SOX5: variants seen among roughly 807,000 people sequenced by gnomAD.
The protein encoded by SOX5 is SRY-box transcription factor 5.
Under a neutral mutation model 92.0 loss-of-function variants are expected in SOX5, and 9 were observed. The ratio of observed to expected loss-of-function variants is 0.10; its 90% CI spans 0.06 to 0.17. The LOEUF (loss-of-function observed/expected upper bound fraction) is 0.17, where lower values mean the gene tolerates loss of function less well. Among genes scored for constraint, SOX5 ranks in the 10% least tolerant of loss-of-function variants. SOX5 has a pLI of 1.00. For missense variants in SOX5, 642 were observed against 944.5 expected (o/e 0.68, Z 4.20); for synonymous variants, 344 against 336.3 (o/e 1.02, Z -0.25).
chr12:24,495,572 A>G (rs1380528614), intron 1 of SOX5, among the ~76,000 whole-genome samples: 1 of 152,210 alleles, frequency 6.6e-6, no homozygotes, highest in African/African-American at 2.4e-5. Flanking sequence ...TTGAGTGAAC[A>G]CTTGAGAACA....
intron 3 of SOX5, among the ~76,000 whole-genome samples, chr12:23,836,640 G>A (rs1467450067): frequency 6.6e-6 from 1 of 151,852 alleles, no homozygotes; most frequent in Non-Finnish European, 1.5e-5. Context: ...CAGGGGTAAG[G>A]TCGGAAATAA....
chr12:24,193,560 A>T (rs888047908), intron 4 of SOX5, among the ~76,000 whole-genome samples: 1 of 152,214 alleles, frequency 6.6e-6, no homozygotes, highest in Non-Finnish European at 1.5e-5. Context: ...CCTCATCTCT[A>T]TAAAGGAATA....
intron 6 of SOX5, among the ~76,000 whole-genome samples, chr12:23,674,936 C>T (rs76422918): frequency 0.011 from 1,652 of 151,914 alleles, 16 homozygotes; most frequent in African/African-American, 0.025. Flanking sequence ...ATAGTAATTG[C>T]CATTTGGTGT....
chr12:23,894,760 C>A (rs557721811), intron 2 of SOX5, among the ~76,000 whole-genome samples: 22 of 152,066 alleles, frequency 1.4e-4, no homozygotes, highest in Admixed American at 5.2e-4. Context: ...ATATTTATGA[C>A]AGGCAATAAT....
At chr12:23,852,512 CTT>C (rs1408848388) in intron 2 of SOX5, among the ~76,000 whole-genome samples, 1 of 152,006 alleles carries the variant, frequency 6.6e-6, no homozygotes, top group Non-Finnish European at 1.5e-5. Flanking sequence ...AATATAGACT[CTT>C]TTAAAGATTG....
chr12:23,910,359 G>A (rs1433717780), intron 1 of SOX5, among the ~76,000 whole-genome samples: 2 of 152,114 alleles, frequency 1.3e-5, no homozygotes, highest in Non-Finnish European at 2.9e-5. Flanking sequence ...GGAAAGTTAG[G>A]CTAAGCTAAT....
intron 4 of SOX5, among the ~76,000 whole-genome samples, chr12:24,173,348 A>G (rs12301139): frequency 0.054 from 8,194 of 152,292 alleles, 237 homozygotes; most frequent in African/African-American, 0.082. Context: ...ACTTCACTGG[A>G]CAGACTGATG....
chr12:24,374,771 A>C (rs910678189), intron 1 of SOX5, among the ~76,000 whole-genome samples: 2 of 152,114 alleles, frequency 1.3e-5, no homozygotes, highest in African/African-American at 4.8e-5. Flanking sequence ...AGCATGAATA[A>C]ATGTGACAGC....
At chr12:24,208,449 C>T (rs1958248877) in intron 4 of SOX5, among the ~76,000 whole-genome samples, 1 of 152,170 alleles carries the variant, frequency 6.6e-6, no homozygotes, top group Non-Finnish European at 1.5e-5. Context: ...GTGTTGCATC[C>T]AAACTCAAGC....
At chr12:24,135,349 C>G (rs911393032) in intron 4 of SOX5, among the ~76,000 whole-genome samples, 1 of 152,186 alleles carries the variant, frequency 6.6e-6, no homozygotes, top group Non-Finnish European at 1.5e-5. Flanking sequence ...ACAAGTTGCT[C>G]TCTCCTAACT....
chr12:24,152,559 T>C (rs1951763781), intron 4 of SOX5, among the ~76,000 whole-genome samples: 1 of 152,046 alleles, frequency 6.6e-6, no homozygotes, highest in Non-Finnish European at 1.5e-5. Flanking sequence ...AATAAAACAA[T>C]AACAGAACAT....
At chr12:23,833,447 C>T (rs1857640786) in intron 3 of SOX5, among the ~76,000 whole-genome samples, 1 of 151,954 alleles carries the variant, frequency 6.6e-6, no homozygotes, top group African/African-American at 2.4e-5. Flanking sequence ...AATTCTAGAA[C>T]ATTTTTCAAA....
At chr12:23,999,327 T>C (rs1044496817) in intron 4 of SOX5, among the ~76,000 whole-genome samples, 1 of 152,102 alleles carries the variant, frequency 6.6e-6, no homozygotes, top group Non-Finnish European at 1.5e-5. Context: ...TGAGGAGATT[T>C]TGACCAAAGA....
rs1423994049 is a variant in SOX5, at chr12:23,546,321, G to T, written c.1592C>A (p.Ser531Tyr). Residue 531 changes from serine (S) to tyrosine (Y), a missense_variant, in exon 12 of 15, where the codon TCT becomes TAT. Ser to Tyr is a moderately radical substitution (Grantham distance 144, BLOSUM62 -2). Transcript: ENST00000451604. ...AMMDFNLSGD[S>Y]DGSAGVSESR... is the part of the protein sequence containing the mutation. The stretch of plus-strand genomic sequence containing the variant: ...TATGAACAATTTTCACAAACCATCA[G>T]AATCTCCACTCAGATTGAAATCCAT... 1.9e-6 allele frequency: 3 copies of T among 1,546,498 alleles called. No individual in the cohort carries two copies. Among genetic ancestry groups the T allele is most frequent in the Non-Finnish European group, 2.7e-6 (3 of 1,120,660 alleles).
intron 4 of SOX5, among the ~76,000 whole-genome samples, chr12:24,172,419 G>C (rs1954306140): frequency 1.3e-5 from 2 of 152,172 alleles, no homozygotes; most frequent in Admixed American, 1.3e-4. Flanking sequence ...CATGCCTGTG[G>C]TTCCAGCTAC....
intron 1 of SOX5, among the ~76,000 whole-genome samples, chr12:24,372,951 CAA>C (rs375852900): frequency 8.2e-6 from 1 of 122,512 alleles, no homozygotes. Context: ...CCATCTCTAC[CAA>C]AAAAAAAAAA....
intron 4 of SOX5, among the ~76,000 whole-genome samples, chr12:24,189,966 T>C (rs1455141770): frequency 1.3e-5 from 2 of 152,176 alleles, no homozygotes; most frequent in East Asian, 1.9e-4. Flanking sequence ...AGAATGAAAA[T>C]ATATGTTAAT....
Position 24,407,963 on chromosome 12 carries a change from A to G in SOX5, c.-250-39324T>C, listed in dbSNP as rs147201701. On this transcript the variant is annotated intron_variant, in intron 1 of 4. Transcript: ENST00000446891. Reference sequence around the variant, plus strand: ...ATAAACCCAGGTTAGGGAATCACTCATGACAGGAATGGTACTGTAGACAGA... The same window carrying G: ...ATAAACCCAGGTTAGGGAATCACTCGTGACAGGAATGGTACTGTAGACAGA... Among the ~76,000 whole-genome samples the G allele has an allele frequency of 3.7e-3, 564 of 152,348 alleles. 3 individuals carry two copies. Among genetic ancestry groups the G allele is most frequent in the African/African-American group, 0.012 (499 of 41,568 alleles).
At chr12:24,432,413 A>T (rs1938531413) in intron 1 of SOX5, among the ~76,000 whole-genome samples, 1 of 152,212 alleles carries the variant, frequency 6.6e-6, no homozygotes, top group Non-Finnish European at 1.5e-5. Flanking sequence ...ATATTATCCC[A>T]AAACAAAGGG....
Sources: gnomAD v4.1 joint callset for allele counts (sites outside exome capture counted in the v4.1 genomes callset) on GRCh38, gnomAD v4.1.1 for gene constraint, MANE v1.5 for transcripts, NCBI Gene and HGNC (gene_info 2026-07-23, HGNC 2026-07-21) for gene names.